Variants in RBMS3 observed in about 807,000 individuals in gnomAD.
RBMS3 encodes the protein RNA binding motif single stranded interacting protein 3.
RBMS3 carries 27 observed loss-of-function variants against 66.8 expected under a neutral mutation model. The observed-to-expected ratio is 0.40, with a 90% CI of 0.30 to 0.56. The LOEUF is 0.56. Ranked by LOEUF, RBMS3 falls within the 20% of genes least tolerant of loss-of-function variation. The pLI, the probability that RBMS3 is intolerant of heterozygous loss-of-function variation, is 0.40. For missense variants in RBMS3, 513 were observed against 549.5 expected, an observed-to-expected ratio of 0.93 and a Z score of 0.66; for synonymous variants, 188 against 183.0, an observed-to-expected ratio of 1.03 and a Z score of -0.22.
chr3:29,934,262 T>C (rs1040183848), intron 10 of RBMS3: 1 of 151,986 alleles, frequency 6.6e-6, no homozygotes, highest in Non-Finnish European at 1.5e-5. Context: ...ATCGAAGTCT[T>C]GCAGCTGCTA....
At chr3:29,629,231 A>C (rs9845778) in intron 4 of RBMS3, among the ~76,000 whole-genome samples, 14,637 of 152,146 alleles carry the variant, frequency 0.096, 1,270 homozygotes, top group East Asian at 0.35. Context: ...ATTCAAAGTG[A>C]AAAGTGCTGA....
chr3:29,676,516 C>T (rs764977000), intron 4 of RBMS3, among the ~76,000 whole-genome samples: 3 of 152,208 alleles, frequency 2.0e-5, no homozygotes, highest in South Asian at 2.1e-4. Context: ...CATATTACTG[C>T]TTCTACATTC....
At chr3:29,625,257 C>T (rs2049017419) in intron 4 of RBMS3, among the ~76,000 whole-genome samples, 1 of 152,080 alleles carries the variant, frequency 6.6e-6, no homozygotes, top group African/African-American at 2.4e-5. Context: ...TTTTAAAATT[C>T]TCCGTACTCA....
chr3:29,329,134 C>T (rs1251890271), intron 1 of RBMS3, among the ~76,000 whole-genome samples: 4 of 151,924 alleles, frequency 2.6e-5, no homozygotes, highest in Non-Finnish European at 5.9e-5. Context: ...CTTTTAATTC[C>T]ATAACATGTA....
chr3:29,422,163 C>A (rs114094703), intron 1 of RBMS3, among the ~76,000 whole-genome samples: 102 of 152,192 alleles, frequency 6.7e-4, no homozygotes, highest in African/African-American at 2.4e-3. Flanking sequence ...TTTGAGCCTG[C>A]GTTGTGTGTC....
At chr3:29,596,589 C>T (rs2047950285) in intron 4 of RBMS3, among the ~76,000 whole-genome samples, 1 of 152,100 alleles carries the variant, frequency 6.6e-6, no homozygotes, top group Non-Finnish European at 1.5e-5. Flanking sequence ...AGGAGATGTC[C>T]CACATTCACT....
intron 12 of RBMS3, among the ~76,000 whole-genome samples, chr3:29,953,179 A>T (rs1695795549): frequency 6.6e-6 from 1 of 151,872 alleles, no homozygotes; most frequent in Non-Finnish European, 1.5e-5. Flanking sequence ...TTCCACATTG[A>T]GTGATACCTG....
At chr3:29,673,804 A>G (rs1017736015) in intron 4 of RBMS3, among the ~76,000 whole-genome samples, 1 of 152,224 alleles carries the variant, frequency 6.6e-6, no homozygotes, top group African/African-American at 2.4e-5. Flanking sequence ...ACGGATTCAC[A>G]GCCGAATTCT....
intron 4 of RBMS3, among the ~76,000 whole-genome samples, chr3:29,656,751 T>G (rs141840416): frequency 1.9e-4 from 29 of 152,186 alleles, no homozygotes; most frequent in African/African-American, 6.7e-4. Flanking sequence ...CCCATAACCG[T>G]TTTTTATGCT....
At chr3:29,948,313 C>T (rs770870918) in intron 12 of RBMS3, among the ~76,000 whole-genome samples, 2 of 151,704 alleles carry the variant, frequency 1.3e-5, no homozygotes, top group Non-Finnish European at 3.0e-5. Flanking sequence ...TTTGTTTCAG[C>T]AATCTAAGTT....
intron 1 of RBMS3, among the ~76,000 whole-genome samples, chr3:29,288,484 T>G (rs192795800): frequency 2.3e-3 from 352 of 152,070 alleles, no homozygotes; most frequent in Middle Eastern, 6.8e-3. Context: ...CCAGCTTTAT[T>G]GTGGTGGTTA....
intron 4 of RBMS3, among the ~76,000 whole-genome samples, chr3:29,645,007 C>G (rs1388859732): frequency 6.6e-6 from 1 of 152,082 alleles, no homozygotes; most frequent in Non-Finnish European, 1.5e-5. Context: ...CTCACAGAAT[C>G]AAAAAGAGAG....
At chr3:29,351,188 C>G (rs529153774) in intron 1 of RBMS3, among the ~76,000 whole-genome samples, 10 of 152,122 alleles carry the variant, frequency 6.6e-5, no homozygotes, top group Admixed American at 2.6e-4. Flanking sequence ...TGGAGGCTTT[C>G]ATTGGTAATA....
At chr3:29,969,764 A>AT (rs1373257160) in intron 12 of RBMS3, among the ~76,000 whole-genome samples, 1 of 152,192 alleles carries the variant, frequency 6.6e-6, no homozygotes, top group East Asian at 1.9e-4. Context: ...GGGTCATAGG[A>AT]TTTTCAAAAG....
chr3:29,644,676 A>G (rs149091322), intron 4 of RBMS3, among the ~76,000 whole-genome samples: 1,786 of 152,302 alleles, frequency 0.012, 18 homozygotes, highest in Non-Finnish European at 0.018. Context: ...ATATTATAAT[A>G]GTATATGAAT....
intron 7 of RBMS3, among the ~76,000 whole-genome samples, chr3:29,874,903 G>T (rs535407974): frequency 6.6e-6 from 1 of 152,146 alleles, no homozygotes; most frequent in Non-Finnish European, 1.5e-5. Context: ...TGTAAGTTTG[G>T]ATTAATGTAA....
At chr3:29,740,741 G>T (rs926999147) in intron 5 of RBMS3, among the ~76,000 whole-genome samples, 1 of 152,142 alleles carries the variant, frequency 6.6e-6, no homozygotes, top group African/African-American at 2.4e-5. Context: ...GCCCATTGCA[G>T]ACAAGTTTGT....
At chr3:29,541,540 GCCA>G (rs35271436) in intron 3 of RBMS3, among the ~76,000 whole-genome samples, 30,378 of 151,870 alleles carry the variant, frequency 0.2, 4,503 homozygotes, top group African/African-American at 0.4. Flanking sequence ...CACCTTCACT[GCCA>G]CAACCTCGTG....
intron 3 of RBMS3, among the ~76,000 whole-genome samples, chr3:29,520,573 CAT>C (rs2044817388): frequency 6.6e-6 from 1 of 152,080 alleles, no homozygotes; most frequent in Non-Finnish European, 1.5e-5. Context: ...GTTTAGCCAA[CAT>C]AAACTGAGAA....
Sources: allele counts gnomAD v4.1 joint callset (sites outside exome capture counted in the v4.1 genomes callset), GRCh38; gene constraint gnomAD v4.1.1; transcripts MANE v1.5; gene names NCBI Gene and HGNC (gene_info 2026-07-23, HGNC 2026-07-21).